The following CNTNAP5 variants were observed in gnomAD, a reference collection of about 807,000 sequenced individuals.
The protein encoded by CNTNAP5 is contactin-associated protein-like 5.
In CNTNAP5, 72 loss-of-function variants were observed where a neutral mutation model predicts 150.2. The observed-to-expected ratio is 0.48, with a 90% CI of 0.40 to 0.58. CNTNAP5 has a LOEUF of 0.58. Ranked by LOEUF, CNTNAP5 falls within the 20% of genes least tolerant of loss-of-function variation. The pLI, the probability that CNTNAP5 is intolerant of heterozygous loss-of-function variation, is 0.00. For missense variants in CNTNAP5, 1,636 were observed against 1,626.2 expected (o/e 1.01, Z -0.10); for synonymous variants, 672 against 619.8 (o/e 1.08, Z -1.25).
intron 1 of CNTNAP5, among the ~76,000 whole-genome samples, chr2:124,114,366 T>A: frequency 6.6e-6 from 1 of 152,170 alleles, no homozygotes; most frequent in South Asian, 2.1e-4. Flanking sequence ...TTCTTAGATA[T>A]TAATATTTTT....
At chr2:124,107,196 A>G (rs954877225) in intron 1 of CNTNAP5, among the ~76,000 whole-genome samples, 2 of 152,144 alleles carry the variant, frequency 1.3e-5, no homozygotes, top group African/African-American at 2.4e-5. Flanking sequence ...TGGGACCACT[A>G]TGCTCTCAGG....
chr2:124,047,449 C>T (rs1477066483), intron 1 of CNTNAP5, among the ~76,000 whole-genome samples: 1 of 152,242 alleles, frequency 6.6e-6, no homozygotes, highest in Non-Finnish European at 1.5e-5. Flanking sequence ...CAAGTTCTGT[C>T]CGACTTCACA....
chr2:124,809,379 G>GATAT (rs1331558451), intron 19 of CNTNAP5, among the ~76,000 whole-genome samples: 23 of 123,672 alleles, frequency 1.9e-4, no homozygotes, highest in South Asian at 9.2e-4. Context: ...ACAATAATAT[G>GATAT]GTATTTATTT....
chr2:124,411,176 C>A (rs1011371365), intron 3 of CNTNAP5, among the ~76,000 whole-genome samples: 10 of 152,090 alleles, frequency 6.6e-5, no homozygotes, highest in Admixed American at 2.0e-4. Flanking sequence ...CAAGTCTAAA[C>A]CAGGAAGAAG....
intron 19 of CNTNAP5, among the ~76,000 whole-genome samples, chr2:124,811,711 G>T (rs1036581203): frequency 6.7e-6 from 1 of 150,118 alleles, no homozygotes; most frequent in African/African-American, 2.5e-5. Context: ...GGAGGCGGGG[G>T]GGGTGGATCA....
chr2:124,765,579 A>G (rs867472435), intron 16 of CNTNAP5, among the ~76,000 whole-genome samples: 1 of 152,216 alleles, frequency 6.6e-6, no homozygotes, highest in African/African-American at 2.4e-5. Flanking sequence ...GAGAGAAAAC[A>G]TACTAATTTG....
At chr2:124,315,918 C>T (rs1688947833) in intron 3 of CNTNAP5, among the ~76,000 whole-genome samples, 1 of 152,140 alleles carries the variant, frequency 6.6e-6, no homozygotes, top group Admixed American at 6.5e-5. Flanking sequence ...TCATCTTGAA[C>T]AGAAAAGATG....
At chr2:124,279,281 T>A (rs1266310651) in intron 3 of CNTNAP5, among the ~76,000 whole-genome samples, 1 of 151,816 alleles carries the variant, frequency 6.6e-6, no homozygotes, top group Non-Finnish European at 1.5e-5. Flanking sequence ...TTGGTGAGCT[T>A]GGCAGCCTGT....
chr2:124,607,439 T>C (rs1013352787), intron 11 of CNTNAP5, among the ~76,000 whole-genome samples: 2 of 152,088 alleles, frequency 1.3e-5, no homozygotes, highest in African/African-American at 2.4e-5. Context: ...TGGAAGTCAC[T>C]GTTGTTTTAT....
intron 13 of CNTNAP5, among the ~76,000 whole-genome samples, chr2:124,704,028 G>A (rs964337422): frequency 2.0e-5 from 3 of 152,182 alleles, no homozygotes; most frequent in Non-Finnish European, 2.9e-5. Flanking sequence ...GTCACCATTC[G>A]AACAGCATTG....
intron 1 of CNTNAP5, among the ~76,000 whole-genome samples, chr2:124,030,533 G>A (rs79179511): frequency 0.069 from 10,553 of 152,080 alleles, 490 homozygotes; most frequent in Non-Finnish European, 0.1. Context: ...TTGACACTGT[G>A]TATATACATA....
chr2:124,541,794 T>C (rs1695392301), intron 10 of CNTNAP5, among the ~76,000 whole-genome samples: 1 of 152,160 alleles, frequency 6.6e-6, no homozygotes, highest in African/African-American at 2.4e-5. Context: ...AGCCCAGGAT[T>C]CCATGATGGA....
intron 3 of CNTNAP5, among the ~76,000 whole-genome samples, chr2:124,300,224 A>C (rs1003139433): frequency 2.6e-5 from 4 of 152,244 alleles, no homozygotes; most frequent in Non-Finnish European, 5.9e-5. Flanking sequence ...TGACTTCCGT[A>C]GCATTTCCTC....
intron 17 of CNTNAP5, among the ~76,000 whole-genome samples, chr2:124,786,352 G>GGAAGAAAGAAAGA (rs1681572623): frequency 3.4e-5 from 2 of 59,156 alleles, no homozygotes; most frequent in Admixed American, 2.1e-4. Context: ...AGAAAGAAAG[G>GGAAGAAAGAAAGA]AAGAAAGAAA....
At chr2:124,651,861 T>C (rs1385617535) in intron 13 of CNTNAP5, among the ~76,000 whole-genome samples, 1 of 152,122 alleles carries the variant, frequency 6.6e-6, no homozygotes, top group Non-Finnish European at 1.5e-5. Flanking sequence ...TCACCTTCCA[T>C]GGCTCACGCA....
At chr2:124,121,671 G>C (rs1337356237) in intron 1 of CNTNAP5, among the ~76,000 whole-genome samples, 1 of 152,060 alleles carries the variant, frequency 6.6e-6, no homozygotes, top group Non-Finnish European at 1.5e-5. Context: ...TTTAAGACAC[G>C]AGACGTACCT....
At chr2:124,491,037 T>A (rs900903318) in intron 7 of CNTNAP5, among the ~76,000 whole-genome samples, 1 of 152,162 alleles carries the variant, frequency 6.6e-6, no homozygotes, top group African/African-American at 2.4e-5. Context: ...AAAATAAAGA[T>A]AGTATATATG....
intron 21 of CNTNAP5, among the ~76,000 whole-genome samples, chr2:124,887,006 C>A (rs1678095262): frequency 6.6e-6 from 1 of 151,928 alleles, no homozygotes; most frequent in Non-Finnish European, 1.5e-5. Flanking sequence ...TTTCCTTTTT[C>A]TTGGCATAGT....
chr2:124,597,976 C>T (rs1205183621), intron 11 of CNTNAP5, among the ~76,000 whole-genome samples: 5 of 118,160 alleles, frequency 4.2e-5, no homozygotes, highest in Admixed American at 9.7e-5. Context: ...AGTTCTCGAG[C>T]CTTGGGTTTC....
Sources: allele counts gnomAD v4.1 joint callset (sites outside exome capture counted in the v4.1 genomes callset), GRCh38; gene constraint gnomAD v4.1.1; transcripts MANE v1.5; gene names NCBI Gene and HGNC (gene_info 2026-07-23, HGNC 2026-07-21).